Variants in NRG3 observed in about 807,000 individuals in gnomAD.
NRG3 encodes pro-neuregulin-3, membrane-bound isoform.
A neutral mutation model predicts 66.9 loss-of-function variants in NRG3; 31 were observed. The ratio of observed to expected loss-of-function variants is 0.46; its 90% CI spans 0.35 to 0.63. The LOEUF (loss-of-function observed/expected upper bound fraction) is 0.63, where lower values mean the gene tolerates loss of function less well. NRG3 is among the 20% of genes least tolerant of loss of function. The probability of loss-of-function intolerance (pLI) is 0.00; values close to 1 mark genes in which losing one functional copy is unlikely to be tolerated. For missense variants in NRG3, 910 were observed against 878.9 expected, an observed-to-expected ratio of 1.04 and a Z score of -0.45; for synonymous variants, 393 against 359.4, an observed-to-expected ratio of 1.09 and a Z score of -1.06.
At chr10:81,956,884 C>T (rs1849883405) in intron 1 of NRG3, among the ~76,000 whole-genome samples, 1 of 152,158 alleles carries the variant, frequency 6.6e-6, no homozygotes. Context: ...CTACCACTCT[C>T]CTCCAGACTC....
At chr10:82,126,111 G>A (rs2068435172) in intron 1 of NRG3, among the ~76,000 whole-genome samples, 2 of 151,954 alleles carry the variant, frequency 1.3e-5, no homozygotes, top group South Asian at 4.2e-4. Context: ...CTGGGGTGTT[G>A]GACAGCCAGA....
intron 1 of NRG3, among the ~76,000 whole-genome samples, chr10:82,132,783 C>T (rs1300475903): frequency 6.6e-6 from 1 of 150,944 alleles, no homozygotes; most frequent in Non-Finnish European, 1.5e-5. Flanking sequence ...TTTTGGATTT[C>T]TTCATGTTTC....
At chr10:82,876,909 G>C (rs1841868888) in intron 4 of NRG3, among the ~76,000 whole-genome samples, 1 of 151,834 alleles carries the variant, frequency 6.6e-6, no homozygotes, top group African/African-American at 2.4e-5. Context: ...TGTAATCCCA[G>C]CTACTTGGGA....
intron 1 of NRG3, among the ~76,000 whole-genome samples, chr10:81,959,660 C>T (rs1850166389): frequency 6.6e-6 from 1 of 151,836 alleles, no homozygotes; most frequent in Non-Finnish European, 1.5e-5. Context: ...CCAAGTCTTC[C>T]ACTTTTAACT....
At chr10:82,853,436 T>A (rs913480770) in intron 3 of NRG3, among the ~76,000 whole-genome samples, 5 of 152,200 alleles carry the variant, frequency 3.3e-5, no homozygotes, top group African/African-American at 1.2e-4. Context: ...ATGGGATGTG[T>A]TTCCATTTGT....
At chr10:82,441,990 G>A (rs1475944416) in intron 2 of NRG3, among the ~76,000 whole-genome samples, 4 of 152,166 alleles carry the variant, frequency 2.6e-5, no homozygotes, top group African/African-American at 9.7e-5. Context: ...CTGTTGTACT[G>A]TAGGCAAATG....
chr10:82,836,819 G>T (rs2062803799), intron 3 of NRG3, among the ~76,000 whole-genome samples: 1 of 151,432 alleles, frequency 6.6e-6, no homozygotes, highest in African/African-American at 2.4e-5. Flanking sequence ...TGCCACATGT[G>T]CCATGTTGGT....
rs181638368 is a variant in NRG3 at position 82,036,033 on chromosome 10, A to G, written c.823+159870A>G. Among the ~76,000 whole-genome samples, 377 of 152,158 alleles carry G rather than the reference A, an allele frequency of 2.5e-3. 1 individual carries two copies. The highest frequency in any genetic ancestry group is 0.02 in the Middle Eastern group (6 of 294). On this transcript the variant is annotated intron_variant, in intron 1 of 8. Transcript: ENST00000372141. ...TGTGTAAATAGCAACTACAGCATCT[A>G]CTATTTCTGCCATGGAGTCTGGGAC... is the stretch of plus-strand genomic sequence containing the variant.
rs182443504 is a variant in NRG3 at position 82,986,898 on chromosome 10, T to C, written c.*1293T>C. On this transcript the variant is annotated 3_prime_UTR_variant, in exon 9 of 9. Coordinates refer to ENST00000372141, the MANE Select transcript of NRG3 (RefSeq NM_001010848.4). ...GCTTCTGTGGTTAGTATGGGAAGAATAAATTGTTGAAATAAAAATACCCAG... is the reference window on the plus strand; with the variant it reads ...GCTTCTGTGGTTAGTATGGGAAGAACAAATTGTTGAAATAAAAATACCCAG... The C allele has an allele frequency of 5.9e-5, 9 of 152,298 alleles. No homozygotes were observed. In the East Asian group the frequency reaches 1.7e-3, roughly 29 times the overall value. The allele number at this position is 152,298 out of a possible 1,614,324, so 9.4% of individuals were successfully genotyped here.
chr10:82,736,858 C>A (rs1363104859), intron 2 of NRG3, among the ~76,000 whole-genome samples: 2 of 152,154 alleles, frequency 1.3e-5, no homozygotes, highest in African/African-American at 4.8e-5. Context: ...TACTTAAAAT[C>A]TCTCACAAAG....
chr10:81,960,707 G>A (rs1488581306), intron 1 of NRG3, among the ~76,000 whole-genome samples: 2 of 151,256 alleles, frequency 1.3e-5, no homozygotes, highest in Non-Finnish European at 2.9e-5. Flanking sequence ...CAGCCTGGGC[G>A]TTCCTTTGCC....
chr10:82,646,014 G>T lies in NRG3; in HGVS notation c.954-92563G>T, dbSNP rs141109327. 1.3e-4 allele frequency among the ~76,000 whole-genome samples: 20 copies of T among 152,216 alleles called. No individual in the cohort carries two copies. The East Asian group carries it at 3.9e-3, about 29-fold the overall frequency. On this transcript the variant is annotated intron_variant, in intron 2 of 8. Transcript: ENST00000372141. ...ACGTCAGCAGTTTGGTTGGAAAAAG[G>T]CAGGGAGAATATTGAAACCATGTTC...
chr10:81,957,111 C>G (rs912931286), intron 1 of NRG3, among the ~76,000 whole-genome samples: 29 of 152,278 alleles, frequency 1.9e-4, no homozygotes, highest in African/African-American at 6.5e-4. Flanking sequence ...GCTGCCCTCA[C>G]TCTCTGGATG....
chr10:82,806,654 C>A (rs1175263550), intron 3 of NRG3, among the ~76,000 whole-genome samples: 1 of 152,086 alleles, frequency 6.6e-6, no homozygotes, highest in Non-Finnish European at 1.5e-5. Context: ...TGTCATGTAC[C>A]ATTAGTATAT....
At chr10:82,665,559 G>A (rs1056158258) in intron 2 of NRG3, among the ~76,000 whole-genome samples, 2 of 152,084 alleles carry the variant, frequency 1.3e-5, no homozygotes, top group Non-Finnish European at 2.9e-5. Flanking sequence ...GGTTTATTCA[G>A]TAATACCTAC....
chr10:82,748,470 A>G (rs1165602141), intron 3 of NRG3, among the ~76,000 whole-genome samples: 2 of 151,580 alleles, frequency 1.3e-5, no homozygotes, highest in Admixed American at 6.6e-5. Flanking sequence ...ACATGTATAT[A>G]CTTAACTACA....
intron 1 of NRG3, among the ~76,000 whole-genome samples, chr10:82,223,059 A>G (rs558819024): frequency 2.6e-5 from 4 of 152,194 alleles, no homozygotes; most frequent in Non-Finnish European, 5.9e-5. Context: ...GAGAAACTTA[A>G]GTATTTCCTC....
intron 1 of NRG3, among the ~76,000 whole-genome samples, chr10:82,027,296 A>G (rs1261803399): frequency 2.0e-5 from 3 of 152,112 alleles, no homozygotes; most frequent in African/African-American, 7.2e-5. Flanking sequence ...TCTTCTATTC[A>G]AATTATGGGC....
At chr10:82,066,347 T>A (rs1021320553) in intron 1 of NRG3, among the ~76,000 whole-genome samples, 2 of 152,184 alleles carry the variant, frequency 1.3e-5, no homozygotes, top group Non-Finnish European at 2.9e-5. Context: ...CTTTTCAATG[T>A]ACATATGTGC....
Sources: gnomAD v4.1 joint callset for allele counts (sites outside exome capture counted in the v4.1 genomes callset) on GRCh38, gnomAD v4.1.1 for gene constraint, MANE v1.5 for transcripts, NCBI Gene and HGNC (gene_info 2026-07-23, HGNC 2026-07-21) for gene names.